The following PPM1H variants were observed in gnomAD, a reference collection of about 807,000 sequenced individuals.
PPM1H encodes the protein protein phosphatase 1H.
A neutral mutation model predicts 54.9 loss-of-function variants in PPM1H; 27 were observed. That is an observed-to-expected ratio of 0.49 (90% CI 0.36 to 0.68). PPM1H has a LOEUF of 0.68. Ranked by LOEUF, PPM1H falls within the 30% of genes least tolerant of loss-of-function variation. The pLI is 0.00. For missense variants in PPM1H, 596 were observed against 667.8 expected (o/e 0.89, Z 1.19); for synonymous variants, 305 against 270.8 (o/e 1.13, Z -1.24).
chr12:62,934,374 T>C lies in PPM1H; in HGVS notation c.245+118A>G, dbSNP rs978016145. Reference sequence around the variant, plus strand: ...AAGTAAAGAGCTCCCCGCCGAGGCCTGGACGCCGGCAGCTAGTGAGAGCCC... The same window carrying C: ...AAGTAAAGAGCTCCCCGCCGAGGCCCGGACGCCGGCAGCTAGTGAGAGCCC... On this transcript the variant is annotated intron_variant, in intron 1 of 9. Coordinates refer to ENST00000228705, the MANE Select transcript of PPM1H (RefSeq NM_020700.2). The surrounding 1 kb of genome is among the most constrained non-coding windows in gnomAD (Gnocchi z 4.2). The C allele has an allele frequency of 3.0e-6, 4 of 1,334,010 alleles. No homozygotes were observed. The highest frequency in any genetic ancestry group is 3.9e-6 in the Non-Finnish European group (4 of 1,022,652). The allele number at this position is 1,334,010 out of a possible 1,614,324, so 82.6% of individuals were successfully genotyped here.
chr12:62,911,090 T>C (rs1410615269), intron 1 of PPM1H, among the ~76,000 whole-genome samples: 2 of 151,986 alleles, frequency 1.3e-5, no homozygotes, highest in African/African-American at 2.4e-5. Flanking sequence ...AGAAAGCAAA[T>C]CAGCTAAAAA....
At chr12:62,893,014 A>G (rs1049557852) in intron 1 of PPM1H, among the ~76,000 whole-genome samples, 9 of 152,220 alleles carry the variant, frequency 5.9e-5, no homozygotes, top group African/African-American at 2.2e-4. Context: ...AAGCTCAAGT[A>G]TTAAGAAGCT....
rs754449009 is a variant in PPM1H at position 62,934,747 on chromosome 12, C to T, written c.-11G>A. On this transcript the variant is annotated 5_prime_UTR_variant, in exon 1 of 10. Coordinates refer to ENST00000228705, the MANE Select transcript of PPM1H (RefSeq NM_020700.2). This position sits in a 1 kb window ranked among gnomAD's most constrained non-coding sequence, Gnocchi z 4.2. The stretch of plus-strand genomic sequence containing the variant: ...CACTCGAGTGAGCATATTACTCCGG[C>T]GCCCGGCTGCAGCGGTGCGAGCAGG... 24 of 1,522,444 alleles carry T rather than the reference C, an allele frequency of 1.6e-5. No individual in the cohort carries two copies. The highest frequency in any genetic ancestry group is 1.9e-5 in the Admixed American group (1 of 52,234). The allele number at this position is 1,522,444 out of a possible 1,614,324, so 94.3% of individuals were successfully genotyped here.
intron 1 of PPM1H, among the ~76,000 whole-genome samples, chr12:62,922,031 T>C (rs1592672383): frequency 6.6e-6 from 1 of 152,316 alleles, no homozygotes; most frequent in South Asian, 2.1e-4. Flanking sequence ...TTTTAAGACA[T>C]ACAGGCTTTC....
chr12:62,877,742 A>G (rs1870229269), intron 1 of PPM1H, among the ~76,000 whole-genome samples: 1 of 152,126 alleles, frequency 6.6e-6, no homozygotes, highest in Non-Finnish European at 1.5e-5. Context: ...ATTCACATCC[A>G]CATTTGCTGA....
At chr12:62,889,269 T>A (rs1313052542) in intron 1 of PPM1H, among the ~76,000 whole-genome samples, 1 of 152,100 alleles carries the variant, frequency 6.6e-6, no homozygotes, top group Non-Finnish European at 1.5e-5. Context: ...GACAAACTGA[T>A]CCTAAAGTTT....
At chr12:62,779,658 G>A (rs1348112332) in intron 4 of PPM1H, among the ~76,000 whole-genome samples, 1 of 152,282 alleles carries the variant, frequency 6.6e-6, no homozygotes, top group South Asian at 2.1e-4. Flanking sequence ...GAAAACATGA[G>A]ATTGGCTCAA....
chr12:62,767,809 C>G (rs555896849), intron 4 of PPM1H, among the ~76,000 whole-genome samples: 1 of 152,324 alleles, frequency 6.6e-6, no homozygotes, highest in East Asian at 1.9e-4. Flanking sequence ...TGGCCTCTTC[C>G]CAGCTTCTGG....
rs144524153 is a variant in PPM1H, at chr12:62,891,497, A to T, written c.245+42995T>A. Among the ~76,000 whole-genome samples the T allele has an allele frequency of 4.6e-5, 7 of 152,348 alleles. No individual in the cohort carries two copies. The East Asian group carries it at 7.7e-4, about 17-fold the overall frequency. On this transcript the variant is annotated intron_variant, in intron 1 of 9. Transcript: ENST00000228705. ...ATAAGTTGGCCAAGATTTTCTTAAC[A>T]CATCTTCACCTGCCCAGTTTGCCTC...
intron 8 of PPM1H, among the ~76,000 whole-genome samples, chr12:62,685,861 G>A (rs1040817933): frequency 5.3e-5 from 8 of 151,952 alleles, no homozygotes; most frequent in African/African-American, 1.9e-4. Context: ...ATATCAAAAC[G>A]TTACACTATA....
intron 7 of PPM1H, among the ~76,000 whole-genome samples, 178 bp downstream of exon 7, chr12:62,693,758 A>G (rs1346303000): frequency 5.3e-5 from 8 of 152,028 alleles, no homozygotes; most frequent in Non-Finnish European, 1.0e-4. Flanking sequence ...CACCCCCACT[A>G]CTCCTTGGAC....
chr12:62,692,742 C>T (rs768640189), intron 7 of PPM1H, among the ~76,000 whole-genome samples: 3 of 152,164 alleles, frequency 2.0e-5, no homozygotes, highest in African/African-American at 7.2e-5. Context: ...GATTCTTAAC[C>T]AGAGACTGTG....
In PPM1H at chr12:62,689,715, AG is replaced by A; in HGVS notation, c.1228del (p.Leu410CysfsTer7). ...HDSNIYIKPF[L>X]SSAPEVRIYD... The stretch of plus-strand genomic sequence containing the variant: ...ATGCGGTACCTCTGGAGCTGAAGAC[AG>A]GAATGGTTTAATGTAGATGTTGGAG... On this transcript the variant is annotated frameshift_variant, in exon 8 of 10. Transcript: ENST00000228705. LOFTEE classifies it high-confidence loss of function. 1 of 1,613,542 alleles carries A rather than the reference AG, an allele frequency of 6.2e-7. No homozygotes were observed. Among genetic ancestry groups the A allele is most frequent in the South Asian group, 1.1e-5 (1 of 90,992 alleles).
At chr12:62,910,516 G>A (rs1654550843) in intron 1 of PPM1H, among the ~76,000 whole-genome samples, 2 of 151,988 alleles carry the variant, frequency 1.3e-5, no homozygotes, top group South Asian at 4.2e-4. Flanking sequence ...ATATATTTAA[G>A]TCAATTGTAT....
At chr12:62,904,992 G>A (rs908259657) in intron 1 of PPM1H, among the ~76,000 whole-genome samples, 2 of 152,048 alleles carry the variant, frequency 1.3e-5, no homozygotes, top group African/African-American at 4.8e-5. Flanking sequence ...GGCTAAGAGG[G>A]GGCTTCAGAG....
intron 1 of PPM1H, among the ~76,000 whole-genome samples, chr12:62,892,920 C>T (rs1035625482): frequency 6.6e-6 from 1 of 152,212 alleles, no homozygotes; most frequent in Non-Finnish European, 1.5e-5. Flanking sequence ...TGCCATTCCT[C>T]CCATCAAGAA....
intron 6 of PPM1H, among the ~76,000 whole-genome samples, chr12:62,719,138 A>G (rs183556337): frequency 6.6e-6 from 1 of 152,224 alleles, no homozygotes; most frequent in Non-Finnish European, 1.5e-5. Flanking sequence ...AAGGACAACC[A>G]GAAGCCCCTT....
intron 8 of PPM1H, among the ~76,000 whole-genome samples, chr12:62,684,189 T>C (rs1257311784): frequency 3.3e-5 from 5 of 152,096 alleles, no homozygotes; most frequent in Non-Finnish European, 4.4e-5. Context: ...CCAGGCACTG[T>C]AGGCTAGAGG....
chr12:62,773,022 C>T (rs2120654361), intron 4 of PPM1H, among the ~76,000 whole-genome samples: 1 of 152,240 alleles, frequency 6.6e-6, no homozygotes, highest in East Asian at 1.9e-4. Context: ...GTGGCGCGCG[C>T]TTGTAGTTCC....
Sources: allele counts gnomAD v4.1 joint callset (sites outside exome capture counted in the v4.1 genomes callset), GRCh38; gene constraint gnomAD v4.1.1; non-coding constraint Gnocchi (gnomAD v3.1); transcripts MANE v1.5; gene names NCBI Gene and HGNC (gene_info 2026-07-23, HGNC 2026-07-21).